SDCCAG8: variants seen among roughly 807,000 people sequenced by gnomAD.
SDCCAG8 encodes serologically defined colon cancer antigen 8.
SDCCAG8 carries 74 observed loss-of-function variants against 101.8 expected under a neutral mutation model. That is an observed-to-expected ratio of 0.73 (90% confidence interval 0.60 to 0.88). The LOEUF (loss-of-function observed/expected upper bound fraction) is 0.88, where lower values mean the gene tolerates loss of function less well. SDCCAG8 is among the 40% of genes least tolerant of loss of function. The pLI, the probability that SDCCAG8 is intolerant of heterozygous loss-of-function variation, is 0.00. For missense variants in SDCCAG8, 787 were observed against 822.6 expected, an observed-to-expected ratio of 0.96 and a Z score of 0.53; for synonymous variants, 281 against 292.9, an observed-to-expected ratio of 0.96 and a Z score of 0.41.
At chr1:243,361,673 C>T (rs1000569319) in intron 12 of SDCCAG8, among the ~76,000 whole-genome samples, 5 of 152,208 alleles carry the variant, frequency 3.3e-5, no homozygotes, top group Admixed American at 2.0e-4. Flanking sequence ...TTTGGACAAA[C>T]ATCTTCCACA....
chr1:243,327,191 A>C (rs564885017), intron 9 of SDCCAG8, among the ~76,000 whole-genome samples: 1 of 152,024 alleles, frequency 6.6e-6, no homozygotes, highest in East Asian at 1.9e-4. Context: ...GCAGGCCCCA[A>C]ATTAACTTTG....
At chr1:243,446,708 G>C (rs1558480876) in intron 16 of SDCCAG8, among the ~76,000 whole-genome samples, 2 of 152,076 alleles carry the variant, frequency 1.3e-5, no homozygotes. Context: ...TTTATATACT[G>C]AGCAAACCAT....
intron 9 of SDCCAG8, among the ~76,000 whole-genome samples, chr1:243,328,532 C>T (rs1394633900): frequency 6.6e-6 from 1 of 151,996 alleles, no homozygotes; most frequent in African/African-American, 2.4e-5. Context: ...CCGCCTCAGC[C>T]TTCCAAAGTG....
chr1:243,292,086 T>C (rs2070324611), intron 5 of SDCCAG8, among the ~76,000 whole-genome samples: 1 of 152,234 alleles, frequency 6.6e-6, no homozygotes, highest in Admixed American at 6.5e-5. Flanking sequence ...AGCTTCTGTC[T>C]GTGGAGTTTG....
rs374234490 is a variant in SDCCAG8 at position 243,354,988 on chromosome 1, A to G, written c.1473+10657A>G. 8.9e-4 allele frequency among the ~76,000 whole-genome samples: 135 copies of G among 152,282 alleles called. 1 individual carries two copies. Among genetic ancestry groups the G allele is most frequent in the African/African-American group, 3.0e-3 (126 of 41,544 alleles). On this transcript the variant is annotated intron_variant, in intron 12 of 17. Coordinates refer to ENST00000366541, the MANE Select transcript of SDCCAG8 (RefSeq NM_006642.5). ...ACTCTAGGCTGTTCATGAGTGTTAG[A>G]CACACAGTGTGAGACAGATCACCCT... is the stretch of plus-strand genomic sequence containing the variant.
chr1:243,373,602 C>G (rs946501372), intron 12 of SDCCAG8, among the ~76,000 whole-genome samples: 9 of 152,054 alleles, frequency 5.9e-5, no homozygotes, highest in Admixed American at 1.3e-4. Flanking sequence ...AAAGGGGCAG[C>G]GGCTACCCAG....
chr1:243,312,175 A>AGAGT (rs1241225345), intron 8 of SDCCAG8, among the ~76,000 whole-genome samples: 1 of 152,202 alleles, frequency 6.6e-6, no homozygotes, highest in Non-Finnish European at 1.5e-5. Flanking sequence ...CTAACTTTGA[A>AGAGT]GAGTGTCCAG....
At chr1:243,413,278 T>C (rs151080771) in intron 13 of SDCCAG8, among the ~76,000 whole-genome samples, 1,768 of 152,314 alleles carry the variant, frequency 0.012, 45 homozygotes, top group African/African-American at 0.041. Context: ...CAATCTCTGC[T>C]CGCTGCATCC....
chr1:243,296,730 A>G (rs2070952654), intron 6 of SDCCAG8, among the ~76,000 whole-genome samples: 2 of 150,596 alleles, frequency 1.3e-5, no homozygotes, highest in South Asian at 4.2e-4. Context: ...TATTTTTAGT[A>G]GAGACGGGGT....
chr1:243,333,689 A>AT (rs1011547313), intron 10 of SDCCAG8, among the ~76,000 whole-genome samples: 4 of 151,772 alleles, frequency 2.6e-5, no homozygotes, highest in African/African-American at 4.8e-5. Flanking sequence ...ATATTTACTG[A>AT]TTTTTTTTCA....
At chr1:243,448,374 G>A (rs2083090670) in intron 16 of SDCCAG8, among the ~76,000 whole-genome samples, 1 of 152,230 alleles carries the variant, frequency 6.6e-6, no homozygotes, top group Non-Finnish European at 1.5e-5. Flanking sequence ...AATAAAAGTA[G>A]AGAGGTGGTT....
rs565436328 is a variant in SDCCAG8 at position 243,471,463 on chromosome 1, C to T, written c.1986-17551C>T. 8.5e-5 allele frequency among the ~76,000 whole-genome samples: 13 copies of T among 152,312 alleles called. No homozygotes were observed. In the East Asian group the frequency reaches 2.5e-3, roughly 29 times the overall value. On this transcript the variant is annotated intron_variant, in intron 16 of 17. Coordinates refer to ENST00000366541, the MANE Select transcript of SDCCAG8 (RefSeq NM_006642.5). ...TGCCTCTGTGTCTGCCTGAACTCTA[C>T]TCTGTCCCTAATCTGGTAATTAATA...
rs80199913 is a variant in SDCCAG8, at chr1:243,436,891, G to T, written c.1985+10333G>T. Among the ~76,000 whole-genome samples, 176 of 152,256 alleles carry T rather than the reference G, an allele frequency of 1.2e-3. 1 individual carries two copies. Among genetic ancestry groups the T allele is most frequent in the African/African-American group, 4.0e-3 (166 of 41,566 alleles). On this transcript the variant is annotated intron_variant, in intron 16 of 17. Transcript: ENST00000366541. ...GTATTAAACACCTATCTGTGGAAAGGTCTTTTCGCAAAAAGACAGAATAGG... is the reference window on the plus strand; with the variant it reads ...GTATTAAACACCTATCTGTGGAAAGTTCTTTTCGCAAAAAGACAGAATAGG...
At chr1:243,303,423 C>T (rs2071743648) in intron 6 of SDCCAG8, among the ~76,000 whole-genome samples, 1 of 152,074 alleles carries the variant, frequency 6.6e-6, no homozygotes, top group African/African-American at 2.4e-5. Context: ...ATAAAGTTAA[C>T]TAAGTTTGCC....
intron 6 of SDCCAG8, among the ~76,000 whole-genome samples, chr1:243,294,239 A>C (rs934861089): frequency 6.6e-6 from 1 of 151,756 alleles, no homozygotes; most frequent in African/African-American, 2.4e-5. Flanking sequence ...TAATGTGATA[A>C]CTCTGGAAAT....
chr1:243,273,767 C>T (rs369225430), intron 3 of SDCCAG8, among the ~76,000 whole-genome samples: 18 of 152,264 alleles, frequency 1.2e-4, no homozygotes, highest in African/African-American at 4.3e-4. Context: ...AGAGTTGTCC[C>T]TTGTATCTCA....
At chr1:243,475,980 G>A in intron 16 of SDCCAG8, 5 of 985,442 alleles carry the variant, frequency 5.1e-6, no homozygotes, top group Non-Finnish European at 4.8e-6. Context: ...GAACCCACTA[G>A]AAACCAAATG....
chr1:243,385,630 G>A (rs1022583347), intron 13 of SDCCAG8, among the ~76,000 whole-genome samples: 1 of 152,162 alleles, frequency 6.6e-6, no homozygotes, highest in Non-Finnish European at 1.5e-5. Context: ...AGTACACACA[G>A]CGATCAAACA....
At chr1:243,305,758 C>T (rs2072030993) in intron 7 of SDCCAG8, 1 of 151,964 alleles carries the variant, frequency 6.6e-6, no homozygotes, top group Non-Finnish European at 1.5e-5. Context: ...TCTTCCAGGC[C>T]ATAGCCTATC....
Sources: gnomAD v4.1 joint callset for allele counts (sites outside exome capture counted in the v4.1 genomes callset) on GRCh38, gnomAD v4.1.1 for gene constraint, MANE v1.5 for transcripts, NCBI Gene and HGNC (gene_info 2026-07-23, HGNC 2026-07-21) for gene names.